The following FGF13 variants were observed in gnomAD, a reference collection of about 807,000 sequenced individuals.
FGF13 encodes fibroblast growth factor homologous factor 2.
Under a neutral mutation model 19.5 loss-of-function variants are expected in FGF13, and 2 were observed. That is an observed-to-expected ratio of 0.10 (90% confidence interval 0.04 to 0.32). FGF13 has a LOEUF of 0.32. Among genes scored for constraint, FGF13 ranks in the 10% least tolerant of loss-of-function variants. The pLI is 1.00. For missense variants in FGF13, 113 were observed against 192.7 expected, an observed-to-expected ratio of 0.59 and a Z score of 2.45; for synonymous variants, 72 against 76.9, an observed-to-expected ratio of 0.94 and a Z score of 0.33.
downstream of FGF13, among the ~76,000 whole-genome samples, chrX:138,856,615 T>C (rs764957644): frequency 2.1e-4 from 24 of 112,190 alleles, no homozygotes; most frequent in Non-Finnish European, 3.9e-4. Flanking sequence ...CCAAATGTTA[T>C]TCATTGGTAA....
In FGF13 at chrX:138,627,610, T is replaced by TGTGTGTGTGTGTGTGTGTGCGC. The variant is rs1705496598; in HGVS notation, c.*5239_*5240insGCGCACACACACACACACACAC. 2 of 92,972 alleles carry TGTGTGTGTGTGTGTGTGTGCGC rather than the reference T, an allele frequency of 2.2e-5. No individual in the cohort carries two copies. Among genetic ancestry groups the TGTGTGTGTGTGTGTGTGTGCGC allele is most frequent in the South Asian group, 5.1e-4 (1 of 1,947 alleles). The allele number at this position is 92,972 out of a possible 1,213,427, so 7.7% of individuals were successfully genotyped here. ...GTGTGTGTGTGCCTGTGTGTGTGTGTGTGTGTGTGTGTGTGTGCGCGTGTG... is the reference window on the plus strand; with the variant it reads ...GTGTGTGTGTGCCTGTGTGTGTGTGTGTGTGTGTGTGTGTGTGTGCGCGTGTGTGTGTGTGTGTGCGCGTGTG... On this transcript the variant is annotated 3_prime_UTR_variant, in exon 5 of 5. Transcript: ENST00000315930.
intron 3 of FGF13, among the ~76,000 whole-genome samples, chrX:138,688,858 T>G (rs1295059323): frequency 1.8e-5 from 2 of 112,479 alleles, no homozygotes; most frequent in Non-Finnish European, 3.8e-5. Flanking sequence ...CTTTTGGGTA[T>G]GAAATCAAAT....
chrX:138,759,848 G>C (rs978712905), intron 3 of FGF13, among the ~76,000 whole-genome samples: 3 of 112,027 alleles, frequency 2.7e-5, no homozygotes, highest in African/African-American at 9.7e-5. Context: ...CACATCATAG[G>C]CCTTCTGTAA....
intron 1 of FGF13, among the ~76,000 whole-genome samples, chrX:139,182,794 G>A (rs1292982633): frequency 1.8e-5 from 2 of 111,531 alleles, no homozygotes; most frequent in Non-Finnish European, 3.8e-5. Flanking sequence ...GGCCTTCTAG[G>A]GAAAAGCAAG....
chrX:138,752,898 T>C (rs961635254), intron 3 of FGF13, among the ~76,000 whole-genome samples: 1 of 112,382 alleles, frequency 8.9e-6, no homozygotes, highest in Non-Finnish European at 1.9e-5. Context: ...CAAAGGTATC[T>C]ATGTTTGAAT....
intron 1 of FGF13, among the ~76,000 whole-genome samples, chrX:139,056,009 T>C (rs1385925370): frequency 8.9e-6 from 1 of 112,259 alleles, no homozygotes; most frequent in Non-Finnish European, 1.9e-5. Flanking sequence ...CATGAACTTC[T>C]TGAAGTCCTC....
At chrX:138,784,759 C>T (rs1569394234) in intron 3 of FGF13, among the ~76,000 whole-genome samples, 1 of 111,665 alleles carries the variant, frequency 9.0e-6, no homozygotes, top group East Asian at 2.8e-4. Context: ...CTATCCAGAC[C>T]TTATATTTGA....
intron 1 of FGF13, among the ~76,000 whole-genome samples, chrX:138,869,521 T>A (rs999569690): frequency 3.6e-5 from 4 of 111,923 alleles, no homozygotes; most frequent in African/African-American, 1.3e-4. Flanking sequence ...ATCCTCTCCC[T>A]AGTTAGTCAC....
chrX:138,773,315 A>G (rs1602824176), intron 3 of FGF13, among the ~76,000 whole-genome samples: 2 of 111,948 alleles, frequency 1.8e-5, no homozygotes, highest in Non-Finnish European at 3.8e-5. Flanking sequence ...CAGCCCTTCC[A>G]GAAAAATGCT....
chrX:138,836,660 C>T (rs1160272472), intron 3 of FGF13, among the ~76,000 whole-genome samples: 1 of 111,884 alleles, frequency 8.9e-6, no homozygotes, highest in Non-Finnish European at 1.9e-5. Context: ...GAACTTCATT[C>T]CTATCCATAT....
chrX:138,992,517 T>C (rs1001590203), intron 1 of FGF13, among the ~76,000 whole-genome samples: 8 of 111,058 alleles, frequency 7.2e-5, no homozygotes, highest in Non-Finnish European at 1.5e-4. Flanking sequence ...TGGAGTTCAT[T>C]ATTTTATATA....
intron 1 of FGF13, among the ~76,000 whole-genome samples, chrX:139,170,204 C>T (rs932827416): frequency 8.9e-6 from 1 of 111,942 alleles, no homozygotes; most frequent in African/African-American, 3.3e-5. Context: ...CAGACTCTCT[C>T]TAAGCCCCAA....
chrX:138,654,016 T>A (rs1174848522), intron 3 of FGF13, among the ~76,000 whole-genome samples: 1 of 112,142 alleles, frequency 8.9e-6, no homozygotes, highest in Non-Finnish European at 1.9e-5. Context: ...AGCTTTGAAT[T>A]TGCATACTGG....
At chrX:139,113,978 A>C (rs1417199230) in intron 1 of FGF13, among the ~76,000 whole-genome samples, 1 of 111,999 alleles carries the variant, frequency 8.9e-6, no homozygotes, top group Non-Finnish European at 1.9e-5. Flanking sequence ...CACCCACTTA[A>C]TTTCAATAAT....
intron 1 of FGF13, among the ~76,000 whole-genome samples, chrX:138,929,271 C>G (rs779890751): frequency 1.9e-3 from 203 of 105,197 alleles, no homozygotes; most frequent in East Asian, 0.01. Flanking sequence ...GTGTGTCTCT[C>G]TGTGTGTGTG....
chrX:138,974,684 G>A (rs768202566), intron 1 of FGF13, among the ~76,000 whole-genome samples: 3 of 112,412 alleles, frequency 2.7e-5, no homozygotes, highest in Non-Finnish European at 3.8e-5. Context: ...TATCAAATGG[G>A]CACAATACGT....
chrX:138,949,452 TGTGCCC>T (rs1041364218), intron 1 of FGF13, among the ~76,000 whole-genome samples: 16 of 111,597 alleles, frequency 1.4e-4, no homozygotes, highest in Non-Finnish European at 2.6e-4. Flanking sequence ...TTCTCACCTG[TGTGCCC>T]GTGTCTCTGT....
intron 1 of FGF13, among the ~76,000 whole-genome samples, chrX:138,991,137 C>T (rs1436317264): frequency 1.8e-5 from 2 of 111,777 alleles, no homozygotes; most frequent in African/African-American, 6.5e-5. Flanking sequence ...GTCACTACTC[C>T]GTTGATGCCT....
chrX:138,828,682 A>G (rs1602924885), intron 3 of FGF13, among the ~76,000 whole-genome samples: 1 of 112,040 alleles, frequency 8.9e-6, no homozygotes, highest in Non-Finnish European at 1.9e-5. Context: ...CATGCCCTTA[A>G]CAATGGTGTG....
Sources: allele counts gnomAD v4.1 joint callset (sites outside exome capture counted in the v4.1 genomes callset), GRCh38; gene constraint gnomAD v4.1.1; transcripts MANE v1.5; gene names NCBI Gene and HGNC (gene_info 2026-07-23, HGNC 2026-07-21).